Variants in CABCOCO1 observed in about 807,000 individuals in gnomAD.
The protein encoded by CABCOCO1 is ciliary associated calcium binding coiled-coil 1.
A neutral mutation model predicts 35.7 loss-of-function variants in CABCOCO1; 28 were observed. The observed-to-expected ratio is 0.78, with a 90% CI of 0.58 to 1.07. CABCOCO1 has a LOEUF of 1.07. Ranked by LOEUF, CABCOCO1 falls within the 50% of genes least tolerant of loss-of-function variation. The pLI, the probability that CABCOCO1 is intolerant of heterozygous loss-of-function variation, is 0.00. For missense variants in CABCOCO1, 326 were observed against 309.2 expected (o/e 1.05, Z -0.41); for synonymous variants, 95 against 100.1 (o/e 0.95, Z 0.30).
chr10:61,675,996 C>G (rs1839502056), intron 2 of CABCOCO1, among the ~76,000 whole-genome samples: 1 of 152,138 alleles, frequency 6.6e-6, no homozygotes, highest in Non-Finnish European at 1.5e-5. Flanking sequence ...ATAAAACCTG[C>G]TAAATTTTTG....
In CABCOCO1 at chr10:61,760,912, C is replaced by G. The variant is rs759389754; in HGVS notation, c.725C>G (p.Thr242Ser). 2 of 1,612,690 alleles carry G rather than the reference C, an allele frequency of 1.2e-6. No individual in the cohort carries two copies. Among genetic ancestry groups the G allele is most frequent in the Non-Finnish European group, 1.7e-6 (2 of 1,179,094 alleles). ...GPEESQPETDTSDMDPLVGFT... is the reference protein window; with the variant it reads ...GPEESQPETDSSDMDPLVGFT... ...GAGGAGTCTCAGCCAGAAACTGACA[C>G]CTCAGACATGGATCCTTTAGTTGGT... Residue 242 changes from threonine to serine, a missense_variant, in exon 7 of 8, where the codon ACC (threonine) becomes AGC (serine). Thr to Ser is a moderately conservative substitution (Grantham distance 58). Coordinates refer to ENST00000648843, the MANE Select transcript of CABCOCO1 (RefSeq NM_001366906.2).
rs1370152493 is a variant in CABCOCO1 at position 61,672,742 on chromosome 10, A to G, written c.164+7A>G. On this transcript the variant is annotated splice_region_variant and intron_variant, in intron 2 of 7. Coordinates refer to ENST00000648843, the MANE Select transcript of CABCOCO1 (RefSeq NM_001366906.2). The stretch of plus-strand genomic sequence containing the variant: ...ACATCGATGGAGTTCAAGAGTAAGC[A>G]CTTCACTATTACAATCACATGTAGA... 2.7e-5 allele frequency: 27 copies of G among 985,028 alleles called. No homozygotes were observed. Among genetic ancestry groups the G allele is most frequent in the Non-Finnish European group, 3.3e-5 (27 of 829,678 alleles). 61.0% of individuals were successfully genotyped at this position (985,028 alleles called of 1,614,324 possible). A position where few individuals can be genotyped will look rare whatever the true frequency, so the allele number is the denominator to read the frequency against.
chr10:61,746,144 A>C (rs1841655269), intron 5 of CABCOCO1, among the ~76,000 whole-genome samples: 1 of 152,190 alleles, frequency 6.6e-6, no homozygotes, highest in African/African-American at 2.4e-5. Context: ...ACTAAATTTT[A>C]CTCTAGTTTT....
intron 2 of CABCOCO1, among the ~76,000 whole-genome samples, chr10:61,677,068 A>AAATAATAATAAT (rs60978110): frequency 6.2e-5 from 9 of 144,302 alleles, no homozygotes; most frequent in African/African-American, 2.0e-4. Flanking sequence ...CTGTCTCAAA[A>AAATAATAATAAT]AATAATAATA....
chr10:61,702,807 G>A (rs1012511379), intron 5 of CABCOCO1, among the ~76,000 whole-genome samples: 3 of 151,808 alleles, frequency 2.0e-5, no homozygotes, highest in Non-Finnish European at 4.4e-5. Flanking sequence ...GAATAAACAT[G>A]CTTAGAAAGA....
chr10:61,722,726 A>G (rs192882834), intron 5 of CABCOCO1, among the ~76,000 whole-genome samples: 2 of 152,256 alleles, frequency 1.3e-5, no homozygotes, highest in Non-Finnish European at 2.9e-5. Flanking sequence ...TTTTAAAAAG[A>G]AAATTAAAGG....
intron 5 of CABCOCO1, among the ~76,000 whole-genome samples, chr10:61,704,273 T>C (rs913759483): frequency 2.6e-5 from 4 of 152,186 alleles, no homozygotes; most frequent in Non-Finnish European, 5.9e-5. Flanking sequence ...TAGAACTTAA[T>C]TTCTTTCCCC....
At chr10:61,704,226 A>T (rs989659690) in intron 5 of CABCOCO1, among the ~76,000 whole-genome samples, 2 of 151,452 alleles carry the variant, frequency 1.3e-5, no homozygotes, top group African/African-American at 4.8e-5. Context: ...CCTGTCTAAA[A>T]ATATATATAT....
At chr10:61,726,425 A>G (rs1159957747) in intron 5 of CABCOCO1, among the ~76,000 whole-genome samples, 1 of 152,092 alleles carries the variant, frequency 6.6e-6, no homozygotes, top group Non-Finnish European at 1.5e-5. Flanking sequence ...AAGTGTCACA[A>G]TATAAAAATG....
At chr10:61,711,124 T>C (rs1259116585) in intron 5 of CABCOCO1, among the ~76,000 whole-genome samples, 7 of 151,792 alleles carry the variant, frequency 4.6e-5, no homozygotes, top group Non-Finnish European at 1.5e-5. Flanking sequence ...AAATCAGTTA[T>C]CACACTAAAA....
At chr10:61,736,411 T>G (rs545895200) in intron 5 of CABCOCO1, among the ~76,000 whole-genome samples, 1 of 152,288 alleles carries the variant, frequency 6.6e-6, no homozygotes, top group East Asian at 1.9e-4. Flanking sequence ...TTTTCCTCAT[T>G]GCTTGTTTTT....
intron 5 of CABCOCO1, among the ~76,000 whole-genome samples, chr10:61,716,538 T>C (rs1461237316): frequency 6.6e-6 from 1 of 152,188 alleles, no homozygotes; most frequent in African/African-American, 2.4e-5. Context: ...AAAGTTCATT[T>C]CAAATCCTCT....
intron 1 of CABCOCO1, among the ~76,000 whole-genome samples, chr10:61,669,632 A>G (rs1839298372): frequency 6.6e-6 from 1 of 152,068 alleles, no homozygotes; most frequent in Non-Finnish European, 1.5e-5. Flanking sequence ...AGAAGAAAAA[A>G]TCCAGAGGCA....
At chr10:61,725,464 A>C (rs1841123982) in intron 5 of CABCOCO1, among the ~76,000 whole-genome samples, 4 of 152,204 alleles carry the variant, frequency 2.6e-5, no homozygotes, top group African/African-American at 7.2e-5. Flanking sequence ...TTTCAGGTAC[A>C]TGGATGAAGC....
chr10:61,750,644 T>C (rs1218945995), intron 5 of CABCOCO1, among the ~76,000 whole-genome samples: 1 of 152,310 alleles, frequency 6.6e-6, no homozygotes, highest in African/African-American at 2.4e-5. Flanking sequence ...GGCATTCTGC[T>C]AATCAAACAA....
At chr10:61,743,672 C>A (rs1032946178) in intron 5 of CABCOCO1, among the ~76,000 whole-genome samples, 1 of 152,124 alleles carries the variant, frequency 6.6e-6, no homozygotes, top group African/African-American at 2.4e-5. Context: ...GTGTCACACA[C>A]ATCTTTTGTT....
At chr10:61,762,851 G>A (rs139270153) in intron 7 of CABCOCO1, among the ~76,000 whole-genome samples, 22 of 152,092 alleles carry the variant, frequency 1.4e-4, no homozygotes, top group African/African-American at 4.6e-4. Flanking sequence ...TAATACTCCC[G>A]TGGTGTGGCA....
intron 1 of CABCOCO1, among the ~76,000 whole-genome samples, chr10:61,667,492 T>C (rs1839224388): frequency 6.6e-6 from 1 of 151,672 alleles, no homozygotes; most frequent in South Asian, 2.1e-4. Flanking sequence ...TGTCATTACA[T>C]TACATTTATA....
At chr10:61,749,608 T>G (rs1290491836) in intron 5 of CABCOCO1, among the ~76,000 whole-genome samples, 2 of 152,226 alleles carry the variant, frequency 1.3e-5, no homozygotes, top group Non-Finnish European at 2.9e-5. Context: ...CTTTCACAAC[T>G]CTAGTATACA....
Sources: allele counts gnomAD v4.1 joint callset (sites outside exome capture counted in the v4.1 genomes callset), GRCh38; gene constraint gnomAD v4.1.1; transcripts MANE v1.5; gene names NCBI Gene and HGNC (gene_info 2026-07-23, HGNC 2026-07-21).